METTL15: variants seen among roughly 807,000 people sequenced by gnomAD.
The protein encoded by METTL15 is methyltransferase 15, mitochondrial 12S rRNA N4-cytidine.
A neutral mutation model predicts 38.3 loss-of-function variants in METTL15; 34 were observed. The observed-to-expected ratio is 0.89, with a 90% CI of 0.68 to 1.18. The LOEUF (loss-of-function observed/expected upper bound fraction) is 1.18. METTL15 is among the 50% of genes most tolerant of loss of function. METTL15 has a pLI of 0.00. For missense variants in METTL15, 438 were observed against 498.4 expected, an observed-to-expected ratio of 0.88 and a Z score of 1.15; for synonymous variants, 162 against 170.9, an observed-to-expected ratio of 0.95 and a Z score of 0.41.
intron 6 of METTL15, among the ~76,000 whole-genome samples, chr11:28,495,923 G>A (rs1005567352): frequency 2.0e-5 from 3 of 152,138 alleles, no homozygotes; most frequent in African/African-American, 7.2e-5. Flanking sequence ...CTTTCCTTTG[G>A]ACCCTGCTTG....
intron 4 of METTL15, among the ~76,000 whole-genome samples, chr11:28,232,278 A>G (rs903295690): frequency 5.9e-5 from 9 of 151,914 alleles, no homozygotes; most frequent in Non-Finnish European, 1.2e-4. Flanking sequence ...AGCTTTTACT[A>G]TGGAGAAAAT....
chr11:28,347,132 T>C (rs1207632573), intron 3 of METTL15, among the ~76,000 whole-genome samples: 1 of 152,204 alleles, frequency 6.6e-6, no homozygotes, highest in Non-Finnish European at 1.5e-5. Flanking sequence ...AAAGATGTGG[T>C]GGTAATGAGA....
At chr11:28,283,174 T>G (rs558394648) in intron 4 of METTL15, among the ~76,000 whole-genome samples, 2 of 152,304 alleles carry the variant, frequency 1.3e-5, no homozygotes, top group East Asian at 3.9e-4. Flanking sequence ...CTGTGCTGTC[T>G]CAGAAAGTTA....
At chr11:28,200,009 T>C (rs1453517669) in intron 3 of METTL15, among the ~76,000 whole-genome samples, 1 of 151,974 alleles carries the variant, frequency 6.6e-6, no homozygotes, top group Non-Finnish European at 1.5e-5. Flanking sequence ...CTCCCAAAGT[T>C]GACTTTTTAA....
At chr11:28,364,834 AT>A (rs1254731038) in intron 5 of METTL15, among the ~76,000 whole-genome samples, 1 of 152,160 alleles carries the variant, frequency 6.6e-6, no homozygotes, top group African/African-American at 2.4e-5. Context: ...GGCTCTTATT[AT>A]TTTGAGGTAT....
chr11:28,218,609 G>T (rs958596286), intron 4 of METTL15, among the ~76,000 whole-genome samples: 1 of 152,174 alleles, frequency 6.6e-6, no homozygotes, highest in Non-Finnish European at 1.5e-5. Flanking sequence ...AATAGGAGTA[G>T]TGAGAGAGGG....
chr11:28,220,313 T>G (rs568204390), intron 4 of METTL15, among the ~76,000 whole-genome samples: 3 of 152,216 alleles, frequency 2.0e-5, no homozygotes, highest in Non-Finnish European at 4.4e-5. Context: ...TACCATTATG[T>G]AATGGGCTTC....
intron 6 of METTL15, among the ~76,000 whole-genome samples, chr11:28,304,396 G>A (rs1194349979): frequency 6.6e-6 from 1 of 152,094 alleles, no homozygotes; most frequent in East Asian, 1.9e-4. Context: ...TTAATCCAGA[G>A]AGAACCTTCA....
intron 6 of METTL15, among the ~76,000 whole-genome samples, chr11:28,521,949 T>G (rs1001267081): frequency 7.2e-5 from 11 of 152,202 alleles, no homozygotes; most frequent in African/African-American, 2.4e-4. Context: ...GCAAGAATCC[T>G]TTTACTAAAC....
chr11:28,186,665 A>T (rs1346449048), intron 3 of METTL15, among the ~76,000 whole-genome samples: 1 of 151,180 alleles, frequency 6.6e-6, no homozygotes, highest in African/African-American at 2.4e-5. Flanking sequence ...ACTTGATCAT[A>T]TTTAGTTTGA....
intron 6 of METTL15, among the ~76,000 whole-genome samples, chr11:28,445,334 CTGTG>C (rs907500005): frequency 2.6e-5 from 4 of 152,044 alleles, no homozygotes; most frequent in Non-Finnish European, 5.9e-5. Context: ...TGTCTCATCT[CTGTG>C]TGTGTATGTG....
At chr11:28,328,287 A>G (rs1349905072) in intron 6 of METTL15, 9 of 878,244 alleles carry the variant, frequency 1.0e-5, no homozygotes, top group East Asian at 2.8e-5. Flanking sequence ...AGTAATTTTT[A>G]TAGAGGAAAG....
At chr11:28,212,792 G>A (rs964674604) in intron 4 of METTL15, among the ~76,000 whole-genome samples, 9 of 152,088 alleles carry the variant, frequency 5.9e-5, no homozygotes, top group African/African-American at 2.2e-4. Flanking sequence ...CACAGATAAG[G>A]AGGGCCAGTC....
chr11:28,420,412 A>G (rs1328256114), intron 5 of METTL15, among the ~76,000 whole-genome samples: 1 of 152,186 alleles, frequency 6.6e-6, no homozygotes, highest in Admixed American at 6.5e-5. Flanking sequence ...TGACTGTAGA[A>G]TACACATTCT....
At chr11:28,292,840 G>T (rs1182782141) in intron 5 of METTL15, among the ~76,000 whole-genome samples, 1 of 152,060 alleles carries the variant, frequency 6.6e-6, no homozygotes, top group Non-Finnish European at 1.5e-5. Context: ...TGTGTCTTTT[G>T]GCTGCATAAC....
At chr11:28,450,120 T>C (rs1851107937) in intron 6 of METTL15, among the ~76,000 whole-genome samples, 1 of 152,222 alleles carries the variant, frequency 6.6e-6, no homozygotes, top group Non-Finnish European at 1.5e-5. Context: ...ATTTATTTAT[T>C]CATCTGTCAA....
intron 3 of METTL15, among the ~76,000 whole-genome samples, chr11:28,174,359 T>G (rs1364792328): frequency 6.6e-6 from 1 of 152,228 alleles, no homozygotes; most frequent in African/African-American, 2.4e-5. Context: ...CTGCATTTTA[T>G]TATAACCAAG....
intron 5 of METTL15, among the ~76,000 whole-genome samples, chr11:28,411,616 A>G (rs922396256): frequency 1.7e-4 from 22 of 130,526 alleles, no homozygotes; most frequent in African/African-American, 6.4e-4. Context: ...AATAAATGTA[A>G]GACTTGAAGC....
At chr11:28,396,727 T>C (rs1436933418) in intron 5 of METTL15, among the ~76,000 whole-genome samples, 9 of 152,180 alleles carry the variant, frequency 5.9e-5, no homozygotes, top group African/African-American at 2.2e-4. Context: ...CTTCACAGAA[T>C]TGGAAAAAAC....
Sources: allele counts gnomAD v4.1 joint callset (sites outside exome capture counted in the v4.1 genomes callset), GRCh38; gene constraint gnomAD v4.1.1; transcripts MANE v1.5; gene names NCBI Gene and HGNC (gene_info 2026-07-23, HGNC 2026-07-21).